The following TRPM3 variants were observed in gnomAD, a reference collection of about 807,000 sequenced individuals.
TRPM3 encodes long transient receptor potential channel 3.
Under a neutral mutation model 181.2 loss-of-function variants are expected in TRPM3, and 77 were observed. The observed-to-expected ratio is 0.42, with a 90% CI of 0.35 to 0.51. The LOEUF is 0.51. TRPM3 is among the 20% of genes least tolerant of loss of function. The probability of loss-of-function intolerance (pLI) is 0.01; values close to 1 mark genes in which losing one functional copy is unlikely to be tolerated. For synonymous variants in TRPM3, 745 were observed against 796.4 expected (o/e 0.94, Z 1.09); for missense variants, 1,759 against 2,196.7 (o/e 0.80, Z 3.98).
chr9:70,696,536 C>T (rs1485346915), intron 8 of TRPM3, among the ~76,000 whole-genome samples: 1 of 152,106 alleles, frequency 6.6e-6, no homozygotes, highest in Non-Finnish European at 1.5e-5. Flanking sequence ...CCCATGTGCT[C>T]ATAAGAGCCA....
chr9:71,107,673 G>T (rs2070023500), intron 1 of TRPM3, among the ~76,000 whole-genome samples: 3 of 152,124 alleles, frequency 2.0e-5, no homozygotes, highest in African/African-American at 7.2e-5. Context: ...TGTATGAATT[G>T]CTATACACTT....
intron 1 of TRPM3, among the ~76,000 whole-genome samples, chr9:71,246,829 C>T (rs746604169): frequency 2.0e-5 from 3 of 152,170 alleles, no homozygotes; most frequent in Non-Finnish European, 2.9e-5. Context: ...TTAGTTACTA[C>T]CATTTTAGCC....
intron 1 of TRPM3, among the ~76,000 whole-genome samples, chr9:70,969,155 T>C (rs1459346794): frequency 3.9e-5 from 6 of 152,042 alleles, no homozygotes; most frequent in Admixed American, 3.9e-4. Context: ...ACTATCATTC[T>C]CAGCAAACAA....
chr9:70,646,572 G>T (rs75870657), intron 9 of TRPM3, among the ~76,000 whole-genome samples: 1 of 152,118 alleles, frequency 6.6e-6, no homozygotes, highest in South Asian at 2.1e-4. Context: ...CTGTTAGGGG[G>T]TGAGGGGCTA....
At chr9:71,440,902 T>C (rs781510725) in intron 1 of TRPM3, among the ~76,000 whole-genome samples, 3 of 152,240 alleles carry the variant, frequency 2.0e-5, no homozygotes, top group Non-Finnish European at 2.9e-5. Context: ...ATTTTCTTAC[T>C]ATTTATAAGT....
At chr9:71,248,184 T>C (rs924923889) in intron 1 of TRPM3, among the ~76,000 whole-genome samples, 2 of 152,236 alleles carry the variant, frequency 1.3e-5, no homozygotes, top group African/African-American at 4.8e-5. Flanking sequence ...TTACATGTTT[T>C]CCTTTGGAAA....
At chr9:71,341,447 T>A (rs1270354631) in intron 1 of TRPM3, among the ~76,000 whole-genome samples, 2 of 152,114 alleles carry the variant, frequency 1.3e-5, no homozygotes, top group East Asian at 3.9e-4. Context: ...TTCTGTGGTA[T>A]CTTTTCCGAT....
intron 1 of TRPM3, among the ~76,000 whole-genome samples, chr9:70,998,206 T>TATATAC (rs2097562453): frequency 6.9e-6 from 1 of 144,162 alleles, no homozygotes; most frequent in African/African-American, 2.5e-5. Flanking sequence ...TATATACATA[T>TATATAC]ATATACACAT....
chr9:70,781,522 A>C (rs1203834355), intron 7 of TRPM3, among the ~76,000 whole-genome samples: 2 of 151,826 alleles, frequency 1.3e-5, no homozygotes, highest in Non-Finnish European at 2.9e-5. Context: ...AATAATACTA[A>C]AGTATAATGA....
chr9:70,965,756 T>C (rs2097178804), intron 1 of TRPM3, among the ~76,000 whole-genome samples: 2 of 152,052 alleles, frequency 1.3e-5, no homozygotes, highest in South Asian at 2.1e-4. Context: ...GGTTTTCTTT[T>C]TTCATTGTAT....
At chr9:70,847,192 T>C (rs934049105) in intron 3 of TRPM3, among the ~76,000 whole-genome samples, 2 of 152,278 alleles carry the variant, frequency 1.3e-5, no homozygotes, top group Admixed American at 6.5e-5. Context: ...TTTGAGTGTA[T>C]AGCAAATATC....
intron 8 of TRPM3, among the ~76,000 whole-genome samples, chr9:70,756,374 C>T (rs2077077914): frequency 6.6e-6 from 1 of 152,138 alleles, no homozygotes; most frequent in Non-Finnish European, 1.5e-5. Context: ...GAGACTTAGA[C>T]TCCCACACAA....
At chr9:71,288,889 G>A (rs939357385) in intron 1 of TRPM3, among the ~76,000 whole-genome samples, 5 of 152,018 alleles carry the variant, frequency 3.3e-5, no homozygotes, top group African/African-American at 1.2e-4. Context: ...GAGACAGTGG[G>A]GCATGCATAT....
intron 1 of TRPM3, among the ~76,000 whole-genome samples, chr9:71,239,103 T>G (rs1426007162): frequency 6.6e-6 from 1 of 152,142 alleles, no homozygotes; most frequent in Non-Finnish European, 1.5e-5. Flanking sequence ...AAAAACAGCA[T>G]TTTAAAACTC....
intron 1 of TRPM3, among the ~76,000 whole-genome samples, chr9:71,145,054 C>T (rs1206694186): frequency 1.3e-5 from 2 of 151,996 alleles, no homozygotes. Flanking sequence ...TATCTGTTGA[C>T]TAATAGTCCA....
chr9:71,155,426 C>G (rs899457517), intron 1 of TRPM3, among the ~76,000 whole-genome samples: 22 of 152,196 alleles, frequency 1.4e-4, no homozygotes, highest in African/African-American at 4.8e-4. Flanking sequence ...CAGGTGAATT[C>G]TCCTGCCTCA....
chr9:71,109,917 G>A (rs897160454), intron 1 of TRPM3, among the ~76,000 whole-genome samples: 3 of 152,128 alleles, frequency 2.0e-5, no homozygotes, highest in African/African-American at 7.2e-5. Flanking sequence ...AAAGTACCCT[G>A]TAAATTGAAA....
chr9:71,135,921 T>C (rs930190257), intron 1 of TRPM3, among the ~76,000 whole-genome samples: 5 of 152,230 alleles, frequency 3.3e-5, no homozygotes, highest in Non-Finnish European at 1.5e-5. Flanking sequence ...TCTCTAGGTA[T>C]AGGATTTGAT....
Position 71,213,507 on chromosome 9 carries a change from A to ATGTTT in TRPM3, c.183+233141_183+233145dup, listed in dbSNP as rs777759330. On this transcript the variant is annotated intron_variant, in intron 1 of 24. Transcript: ENST00000357533. ...GAATGATATCATAAATAGCAATACT[A>ATGTTT]TGTTTTGTTTTGTTTTGTTTTTACT... Among the ~76,000 whole-genome samples, 9 of 152,262 alleles carry ATGTTT rather than the reference A, an allele frequency of 5.9e-5. No individual in the cohort carries two copies. In the East Asian group the frequency reaches 9.6e-4, roughly 16 times the overall value.
Sources: allele counts gnomAD v4.1 joint callset (sites outside exome capture counted in the v4.1 genomes callset), GRCh38; gene constraint gnomAD v4.1.1; transcripts MANE v1.5; gene names NCBI Gene and HGNC (gene_info 2026-07-23, HGNC 2026-07-21).